The following STXBP5 variants were observed in gnomAD, a reference collection of about 807,000 sequenced individuals.
The protein encoded by STXBP5 is syntaxin-binding protein 5.
In STXBP5, 50 loss-of-function variants were observed where a neutral mutation model predicts 152.4. The ratio of observed to expected loss-of-function variants is 0.33; its 90% CI spans 0.26 to 0.42. STXBP5 has a LOEUF of 0.42. STXBP5 is among the 10% of genes least tolerant of loss of function. STXBP5 has a pLI of 1.00. For missense variants in STXBP5, 1,167 were observed against 1,388.6 expected, an observed-to-expected ratio of 0.84 and a Z score of 2.54; for synonymous variants, 492 against 494.7, an observed-to-expected ratio of 0.99 and a Z score of 0.07.
chr6:147,275,672 C>G (rs1780407883), intron 7 of STXBP5, among the ~76,000 whole-genome samples: 2 of 150,384 alleles, frequency 1.3e-5, no homozygotes, highest in African/African-American at 4.9e-5. Flanking sequence ...ATTCTCCTGC[C>G]TCAGCCTCCC....
chr6:147,296,111 G>A (rs1781510266), intron 9 of STXBP5, among the ~76,000 whole-genome samples: 1 of 152,116 alleles, frequency 6.6e-6, no homozygotes. Flanking sequence ...GCCCTGGGCT[G>A]CTGCAGTACT....
chr6:147,294,438 T>C (rs1781419922), intron 9 of STXBP5, among the ~76,000 whole-genome samples: 1 of 152,116 alleles, frequency 6.6e-6, no homozygotes, highest in Non-Finnish European at 1.5e-5. Context: ...TTTATACCAG[T>C]TGTGTCACAT....
rs1220006045 is a variant in STXBP5, at chr6:147,334,216, A to C, written c.2140A>C (p.Thr714Pro). The change falls in exon 19 of 28, where the codon ACC becomes CCC. Residue 714 changes from threonine to proline, a missense_variant. Transcript: ENST00000321680. ...VVPEDRCKSPTSGSSSPHNSD... is the reference protein window; with the variant it reads ...VVPEDRCKSPPSGSSSPHNSD... ...TCCAGAGGATCGCTGCAAATCTCCA[A>C]CCTCTGGTAATTTGGTTTTTTTTTA... 6.2e-7 allele frequency: 1 copy of C among 1,610,976 alleles called. No homozygotes were observed. Among genetic ancestry groups the C allele is most frequent in the Non-Finnish European group, 8.5e-7 (1 of 1,178,826 alleles).
chr6:147,235,068 C>CT (rs966830720), intron 2 of STXBP5, among the ~76,000 whole-genome samples, 182 bp from the exon 3 acceptor site: 1 of 152,062 alleles, frequency 6.6e-6, no homozygotes, highest in Non-Finnish European at 1.5e-5. Context: ...CCTGTAATCT[C>CT]TGAGACTTCT....
chr6:147,339,070 A>G, intron 19 of STXBP5, 109 bp from the exon 20 acceptor site: 1 of 898,446 alleles, frequency 1.1e-6, no homozygotes, highest in Non-Finnish European at 1.7e-6. Flanking sequence ...CTAACATGAT[A>G]ACTTGTTTTG....
intron 21 of STXBP5, among the ~76,000 whole-genome samples, chr6:147,349,627 G>A (rs973200994): frequency 1.3e-5 from 2 of 152,122 alleles, no homozygotes; most frequent in African/African-American, 2.4e-5. Context: ...CTGAGATAGG[G>A]TATAAATCCC....
At chr6:147,213,094 C>T (rs982210434) in intron 2 of STXBP5, among the ~76,000 whole-genome samples, 3 of 151,908 alleles carry the variant, frequency 2.0e-5, no homozygotes, top group Non-Finnish European at 4.4e-5. Context: ...AATTTGAGTA[C>T]TAAATTTGGT....
At chr6:147,318,975 G>C (rs1407617564) in intron 16 of STXBP5, among the ~76,000 whole-genome samples, 1 of 151,934 alleles carries the variant, frequency 6.6e-6, no homozygotes, top group African/African-American at 2.4e-5. Flanking sequence ...CTTTTAAGTT[G>C]GTGTTTGTGT....
Position 147,363,788 on chromosome 6 carries a change from T to G in STXBP5, c.2915+84T>G, listed in dbSNP as rs542664349. The G allele has an allele frequency of 1.3e-4, 200 of 1,503,732 alleles. 7 individuals carry two copies. In the South Asian group the frequency reaches 2.6e-3, roughly 20 times the overall value. The allele number at this position is 1,503,732 out of a possible 1,614,324, so 93.1% of individuals were successfully genotyped here. A position where few individuals can be genotyped will look rare whatever the true frequency, so the allele number is the denominator to read the frequency against. On this transcript the variant is annotated intron_variant, in intron 24 of 27. Transcript: ENST00000321680. ...ACAGAATTGTTTAAAAGAAATGCTT[T>G]TTGTGTGTGTATAGTCTTATACTCT...
chr6:147,261,799 C>T (rs1779652207), intron 5 of STXBP5, among the ~76,000 whole-genome samples: 1 of 151,814 alleles, frequency 6.6e-6, no homozygotes, highest in Non-Finnish European at 1.5e-5. Flanking sequence ...TATTTTTACT[C>T]TATAGGCATC....
intron 1 of STXBP5, among the ~76,000 whole-genome samples, chr6:147,205,305 G>A (rs375009906): frequency 6.7e-6 from 1 of 150,142 alleles, no homozygotes; most frequent in Admixed American, 6.7e-5. Context: ...AACTTGCCTC[G>A]GTTTTAATAC....
chr6:147,304,851 AT>A (rs1223821015), intron 9 of STXBP5, among the ~76,000 whole-genome samples: 1 of 152,020 alleles, frequency 6.6e-6, no homozygotes, highest in Non-Finnish European at 1.5e-5. Flanking sequence ...TAGCCCCTTA[AT>A]TTTGGCCAAT....
At chr6:147,296,462 T>C (rs1026732918) in intron 9 of STXBP5, among the ~76,000 whole-genome samples, 1 of 151,938 alleles carries the variant, frequency 6.6e-6, no homozygotes, top group African/African-American at 2.4e-5. Flanking sequence ...CCAACTAGCA[T>C]AACACCCATA....
chr6:147,337,677 T>G (rs1016093686), intron 19 of STXBP5, among the ~76,000 whole-genome samples: 1 of 151,982 alleles, frequency 6.6e-6, no homozygotes, highest in Non-Finnish European at 1.5e-5. Flanking sequence ...TTTGTAGAGA[T>G]AGTGATATTT....
intron 4 of STXBP5, among the ~76,000 whole-genome samples, chr6:147,240,467 T>G (rs1778487804): frequency 6.6e-6 from 1 of 152,140 alleles, no homozygotes; most frequent in Admixed American, 6.6e-5. Context: ...TTGAGGAAAT[T>G]TTTAAAATTT....
At chr6:147,311,150 C>G (rs2128370861) in intron 10 of STXBP5, among the ~76,000 whole-genome samples, 1 of 152,238 alleles carries the variant, frequency 6.6e-6, no homozygotes, top group East Asian at 1.9e-4. Context: ...TAAATGATAA[C>G]TGTTCTTGTG....
chr6:147,352,554 T>G (rs914696092), intron 21 of STXBP5, among the ~76,000 whole-genome samples: 1 of 150,632 alleles, frequency 6.6e-6, no homozygotes, highest in East Asian at 2.0e-4. Flanking sequence ...GAGGCTGCAG[T>G]GAACCGAGAT....
intron 9 of STXBP5, among the ~76,000 whole-genome samples, chr6:147,297,592 C>T (rs1195139253): frequency 6.6e-6 from 1 of 152,058 alleles, no homozygotes; most frequent in Non-Finnish European, 1.5e-5. Flanking sequence ...GTAAATCTTT[C>T]AGACCTCAAC....
At chr6:147,265,927 A>T (rs945394554) in intron 6 of STXBP5, among the ~76,000 whole-genome samples, 1 of 151,960 alleles carries the variant, frequency 6.6e-6, no homozygotes, top group South Asian at 2.1e-4. Context: ...AAAAAGTACA[A>T]AGTGTTATTG....
Sources: allele counts gnomAD v4.1 joint callset (sites outside exome capture counted in the v4.1 genomes callset), GRCh38; gene constraint gnomAD v4.1.1; transcripts MANE v1.5; gene names NCBI Gene and HGNC (gene_info 2026-07-23, HGNC 2026-07-21).